Variants in SNRPD1 observed in about 807,000 individuals in gnomAD.
SNRPD1 encodes the protein small nuclear ribonucleoprotein D1 polypeptide.
In SNRPD1, 1 loss-of-function variant was observed where a neutral mutation model predicts 14.4. The observed-to-expected ratio is 0.07, with a 90% CI of 0.02 to 0.33. The LOEUF is 0.33. Among genes scored for constraint, SNRPD1 ranks in the 10% least tolerant of loss-of-function variants. The pLI is 1.00. For synonymous variants in SNRPD1, 42 were observed against 50.3 expected (o/e 0.83, Z 0.70); for missense variants, 52 against 146.4 (o/e 0.36, Z 3.33).
At chr18:21,622,275 G>A (rs1220182355) in intron 1 of SNRPD1, among the ~76,000 whole-genome samples, 1 of 152,052 alleles carries the variant, frequency 6.6e-6, no homozygotes, top group African/African-American at 2.4e-5. Context: ...GAGTAGCTGG[G>A]ACTACAGGTG....
intron 3 of SNRPD1, among the ~76,000 whole-genome samples, chr18:21,628,041 T>TA (rs1482327433): frequency 8.5e-5 from 13 of 152,304 alleles, no homozygotes; most frequent in Middle Eastern, 3.4e-3. Context: ...ATCTTAAACT[T>TA]ACTATTTATT....
At chr18:21,613,060 A>C (rs745888763) in intron 1 of SNRPD1, among the ~76,000 whole-genome samples, 11 of 152,096 alleles carry the variant, frequency 7.2e-5, no homozygotes, top group Non-Finnish European at 1.3e-4. Flanking sequence ...TTCCACCTCT[A>C]TTTCCCTTTA....
intron 3 of SNRPD1, among the ~76,000 whole-genome samples, chr18:21,626,677 C>G (rs1465477790): frequency 6.6e-6 from 1 of 151,360 alleles, no homozygotes; most frequent in African/African-American, 2.4e-5. Context: ...ATCCCAGCTA[C>G]TCGGGAGGCT....
At chr18:21,625,539 C>G (rs1330708817) in intron 3 of SNRPD1, among the ~76,000 whole-genome samples, 1 of 151,896 alleles carries the variant, frequency 6.6e-6, no homozygotes, top group Non-Finnish European at 1.5e-5. Flanking sequence ...TGGTCTCATA[C>G]CCCTGACCTC....
chr18:21,620,988 C>A (rs1222736963), intron 1 of SNRPD1, among the ~76,000 whole-genome samples: 1 of 151,672 alleles, frequency 6.6e-6, no homozygotes, highest in African/African-American at 2.4e-5. Flanking sequence ...ATGGTGAAAC[C>A]CCGTCTCTAC....
At chr18:21,622,647 G>T in intron 1 of SNRPD1, 78 bp from the exon 2 acceptor site, 1 of 708,952 alleles carries the variant, frequency 1.4e-6, no homozygotes, top group Non-Finnish European at 2.5e-6. Flanking sequence ...TTTCAACATC[G>T]AGTTGTTTCA....
Position 21,629,453 on chromosome 18 carries a change from C to A in SNRPD1, c.*315C>A, listed in dbSNP as rs1314446548. ...TGGCAGAGTTTAATTGAGCAAAGGACAATTCACAAATCAGGTAGCCCCTGA... is the reference window on the plus strand; with the variant it reads ...TGGCAGAGTTTAATTGAGCAAAGGAAAATTCACAAATCAGGTAGCCCCTGA... On this transcript the variant is annotated 3_prime_UTR_variant, in exon 4 of 4. Coordinates refer to ENST00000300413, the MANE Select transcript of SNRPD1 (RefSeq NM_006938.4). 1 of 227,320 alleles carries A rather than the reference C, an allele frequency of 4.4e-6. No individual in the cohort carries two copies. The highest frequency in any genetic ancestry group is 9.7e-5 in the East Asian group (1 of 10,360). The allele number at this position is 227,320 out of a possible 1,614,324, so 14.1% of individuals were successfully genotyped here. A position where few individuals can be genotyped will look rare whatever the true frequency, so the allele number is the denominator to read the frequency against.
At chr18:21,625,875 C>T (rs916045886) in intron 3 of SNRPD1, among the ~76,000 whole-genome samples, 1 of 152,136 alleles carries the variant, frequency 6.6e-6, no homozygotes, top group Non-Finnish European at 1.5e-5. Context: ...TCCCTAAGTG[C>T]TGGGATTACA....
intron 1 of SNRPD1, among the ~76,000 whole-genome samples, chr18:21,617,978 C>T (rs527636959): frequency 6.6e-6 from 1 of 152,262 alleles, no homozygotes; most frequent in East Asian, 1.9e-4. Context: ...GAACAAGACT[C>T]CATCTTTGTA....
chr18:21,620,772 G>A (rs1019560929), intron 1 of SNRPD1, among the ~76,000 whole-genome samples: 1 of 152,134 alleles, frequency 6.6e-6, no homozygotes, highest in Non-Finnish European at 1.5e-5. Context: ...TGAATGACTG[G>A]CAAACCAGTA....
chr18:21,625,765 C>T (rs192298413), intron 3 of SNRPD1, among the ~76,000 whole-genome samples: 12 of 152,240 alleles, frequency 7.9e-5, no homozygotes, highest in African/African-American at 2.9e-4. Flanking sequence ...CGCCTGCAAC[C>T]ACGCCCGGCT....
chr18:21,619,683 G>T (rs1271388778), intron 1 of SNRPD1, among the ~76,000 whole-genome samples: 2 of 151,628 alleles, frequency 1.3e-5, no homozygotes, highest in African/African-American at 4.8e-5. Flanking sequence ...GGGAGGCTGA[G>T]GCAGGAGAAT....
chr18:21,623,097 T>A (rs1180049909), intron 2 of SNRPD1, among the ~76,000 whole-genome samples: 2 of 151,986 alleles, frequency 1.3e-5, no homozygotes, highest in Non-Finnish European at 2.9e-5. Context: ...CGGGTAAATT[T>A]TTTTTTTAGA....
chr18:21,626,572 C>T (rs1003794462), intron 3 of SNRPD1, among the ~76,000 whole-genome samples: 33 of 151,526 alleles, frequency 2.2e-4, no homozygotes, highest in Non-Finnish European at 1.0e-4. Context: ...AGCTGGATCA[C>T]AAGGTCAGGA....
Position 21,633,507 on chromosome 18 carries a change from A to G in SNRPD1, c.*4369A>G, listed in dbSNP as rs529765607. On this transcript the variant is annotated 3_prime_UTR_variant, in exon 4 of 4. Transcript: ENST00000300413. Reference sequence around the variant, plus strand: ...AAATTCTTGTGGATCTGTGAAATAAAGAGGAGTACTTTCTTTTCGTTTTTT... The same window carrying G: ...AAATTCTTGTGGATCTGTGAAATAAGGAGGAGTACTTTCTTTTCGTTTTTT... The G allele has an allele frequency of 4.4e-4, 67 of 152,210 alleles. No individual in the cohort carries two copies. The highest frequency in any genetic ancestry group is 1.6e-3 in the African/African-American group (67 of 41,532). 9.4% of individuals were successfully genotyped at this position (152,210 alleles called of 1,614,324 possible).
intron 3 of SNRPD1, 70 bp from the exon 4 acceptor site, chr18:21,628,989 ATGT>A: frequency 3.6e-6 from 4 of 1,096,646 alleles, no homozygotes; most frequent in East Asian, 2.4e-5. Context: ...GTGTGTGTAA[ATGT>A]TGTTTGTGGT....
In SNRPD1 at chr18:21,629,843, C is replaced by T. The variant is rs2039067928; in HGVS notation, c.*705C>T. 6.6e-6 allele frequency: 1 copy of T among 152,140 alleles called. No homozygotes were observed. The highest frequency in any genetic ancestry group is 2.4e-5 in the African/African-American group (1 of 41,436). The allele number at this position is 152,140 out of a possible 1,614,324, so 9.4% of individuals were successfully genotyped here. On this transcript the variant is annotated 3_prime_UTR_variant, in exon 4 of 4. Transcript: ENST00000300413. ...TGAATATGCATTTTATTGCTTTACTCTTCATTCTGTGGCACCTACCCACAG... is the reference window on the plus strand; with the variant it reads ...TGAATATGCATTTTATTGCTTTACTTTTCATTCTGTGGCACCTACCCACAG...
chr18:21,619,490 C>T (rs924563906), intron 1 of SNRPD1, among the ~76,000 whole-genome samples: 1 of 148,416 alleles, frequency 6.7e-6, no homozygotes, highest in Non-Finnish European at 1.5e-5. Flanking sequence ...CGAAGACTGT[C>T]TTTAAAAAAA....
intron 1 of SNRPD1, among the ~76,000 whole-genome samples, chr18:21,619,779 C>A (rs981297531): frequency 3.4e-5 from 5 of 148,744 alleles, no homozygotes; most frequent in African/African-American, 4.9e-5. Flanking sequence ...GACTCCGTCT[C>A]AAAAAAAAAT....
Sources: allele counts gnomAD v4.1 joint callset (sites outside exome capture counted in the v4.1 genomes callset), GRCh38; gene constraint gnomAD v4.1.1; transcripts MANE v1.5; gene names NCBI Gene and HGNC (gene_info 2026-07-23, HGNC 2026-07-21).